TCF4: variants seen among roughly 807,000 people sequenced by gnomAD.
TCF4 encodes SL3-3 enhancer factor 2.
TCF4 carries 3 observed loss-of-function variants against 82.1 expected under a neutral mutation model. The observed-to-expected ratio is 0.04, with a 90% CI of 0.02 to 0.09. The LOEUF is 0.09. Ranked by LOEUF, TCF4 falls within the 10% of genes least tolerant of loss-of-function variation. The pLI is 1.00. For missense variants in TCF4, 518 were observed against 852.7 expected, an observed-to-expected ratio of 0.61 and a Z score of 4.89; for synonymous variants, 276 against 309.6, an observed-to-expected ratio of 0.89 and a Z score of 1.14.
At chr18:55,515,690 CAG>C (rs751382693) in intron 3 of TCF4, among the ~76,000 whole-genome samples, 3 of 152,062 alleles carry the variant, frequency 2.0e-5, no homozygotes, top group African/African-American at 4.8e-5. Flanking sequence ...GTGGAATCTT[CAG>C]AGAGTGTTGT....
intron 3 of TCF4, among the ~76,000 whole-genome samples, chr18:55,568,619 C>A (rs538027830): frequency 6.6e-6 from 1 of 151,904 alleles, no homozygotes; most frequent in Admixed American, 6.6e-5. Context: ...AAAATTATAT[C>A]AGTGGCTTAA....
intron 2 of TCF4, chr18:55,586,318 C>T: frequency 4.2e-6 from 3 of 713,634 alleles, no homozygotes; most frequent in Non-Finnish European, 7.1e-6. Flanking sequence ...CATCTTACAC[C>T]AAACTCATCT....
At chr18:55,313,011 G>A (rs1464594517) in intron 8 of TCF4, among the ~76,000 whole-genome samples, 3 of 152,108 alleles carry the variant, frequency 2.0e-5, no homozygotes, top group African/African-American at 7.2e-5. Flanking sequence ...GAAATGTGAT[G>A]GAATTTTATC....
chr18:55,504,021 A>G (rs1302195167), intron 3 of TCF4, among the ~76,000 whole-genome samples: 1 of 152,138 alleles, frequency 6.6e-6, no homozygotes, highest in East Asian at 1.9e-4. Flanking sequence ...TTGCAGTGAG[A>G]CCGATCCACC....
intron 13 of TCF4, among the ~76,000 whole-genome samples, chr18:55,259,045 CTGAAAGTT>C (rs2057484981): frequency 6.6e-6 from 1 of 152,120 alleles, no homozygotes; most frequent in Admixed American, 6.6e-5. Context: ...GCCATCATTT[CTGAAAGTT>C]TTGTGGCAAT....
intron 3 of TCF4, among the ~76,000 whole-genome samples, chr18:55,541,223 G>T (rs889343791): frequency 1.3e-5 from 2 of 151,832 alleles, no homozygotes; most frequent in African/African-American, 4.8e-5. Context: ...ATTTTATACT[G>T]CAAATTGCAT....
rs1463635470 is a variant in TCF4, at chr18:55,303,250, C to CACCCCTACACACCTGACCCAGCT, written c.550-23595_550-23594insAGCTGGGTCAGGTGTGTAGGGGT. Among the ~76,000 whole-genome samples, 4 of 150,878 alleles carry CACCCCTACACACCTGACCCAGCT rather than the reference C, an allele frequency of 2.7e-5. No homozygotes were observed. In the East Asian group the frequency reaches 7.8e-4, roughly 29 times the overall value. On this transcript the variant is annotated intron_variant, in intron 8 of 19. Coordinates refer to ENST00000354452, the MANE Select transcript of TCF4 (RefSeq NM_001083962.2). Reference sequence around the variant, plus strand: ...GTACACACACACACACACACACACACACACACACACACACACACCCCTACA... The same window carrying CACCCCTACACACCTGACCCAGCT: ...GTACACACACACACACACACACACACACCCCTACACACCTGACCCAGCTACACACACACACACACACCCCTACA...
chr18:55,572,418 G>C lies in TCF4; in HGVS notation c.145+12862C>G, dbSNP rs188964689. Reference sequence around the variant, plus strand: ...AAACAATAAAATAACTGAGAAAATGGAGTGAGGAGGGAGGGGAGAGAGAGA... The same window carrying C: ...AAACAATAAAATAACTGAGAAAATGCAGTGAGGAGGGAGGGGAGAGAGAGA... On this transcript the variant is annotated intron_variant, in intron 3 of 19. Transcript: ENST00000354452. Among the ~76,000 whole-genome samples the C allele has an allele frequency of 2.9e-3, 444 of 152,300 alleles. 2 individuals carry two copies. The highest frequency in any genetic ancestry group is 4.2e-3 in the Admixed American group (64 of 15,302).
chr18:55,510,631 C>T (rs1603617867), intron 3 of TCF4: 4 of 1,515,080 alleles, frequency 2.6e-6, no homozygotes, highest in Non-Finnish European at 3.5e-6. Context: ...CCCAATATAT[C>T]TGGTGATTAA....
intron 15 of TCF4, among the ~76,000 whole-genome samples, chr18:55,246,383 G>A (rs187679051): frequency 3.2e-4 from 48 of 152,236 alleles, no homozygotes; most frequent in South Asian, 1.0e-3. Context: ...TGCAGAGAGA[G>A]CAGGGTTTTG....
intron 2 of TCF4, among the ~76,000 whole-genome samples, chr18:55,601,309 C>T (rs2097696667): frequency 6.6e-6 from 1 of 152,094 alleles, no homozygotes; most frequent in African/African-American, 2.4e-5. Flanking sequence ...CAGAGGGCTC[C>T]TTGAACCCCT....
upstream of TCF4, chr18:55,591,002 A>G (rs1478110210): frequency 6.6e-6 from 1 of 152,242 alleles, no homozygotes; most frequent in Non-Finnish European, 1.5e-5. Context: ...AACAGTCCAC[A>G]TTCAACCATA....
upstream of TCF4, chr18:55,588,468 A>G: frequency 6.5e-7 from 1 of 1,534,658 alleles, no homozygotes; most frequent in Non-Finnish European, 8.7e-7. Flanking sequence ...TTCATCGAGC[A>G]CCTCATTTTT....
intron 6 of TCF4, among the ~76,000 whole-genome samples, chr18:55,400,026 G>A (rs2146393787): frequency 6.6e-6 from 1 of 151,886 alleles, no homozygotes; most frequent in South Asian, 2.1e-4. Context: ...TTTAAGGGGA[G>A]AAGTAATAAC....
chr18:55,580,592 C>T (rs532842301), intron 3 of TCF4, among the ~76,000 whole-genome samples: 11 of 151,812 alleles, frequency 7.2e-5, no homozygotes, highest in South Asian at 2.1e-4. Context: ...GATACAAAGG[C>T]GGGAAAAATA....
intron 3 of TCF4, among the ~76,000 whole-genome samples, chr18:55,563,789 T>A (rs1202756002): frequency 6.6e-6 from 1 of 152,228 alleles, no homozygotes; most frequent in Non-Finnish European, 1.5e-5. Flanking sequence ...TGGGCCAATA[T>A]TTTATCCAGC....
Position 55,439,373 on chromosome 18 carries a change from T to C in TCF4, c.304+21646A>G, listed in dbSNP as rs115802530. ...AAGGAGGCTGCCCCTCTCCAGACCTTTGCCCATCAAGTAGCTGGTTAAAAG... is the reference window on the plus strand; with the variant it reads ...AAGGAGGCTGCCCCTCTCCAGACCTCTGCCCATCAAGTAGCTGGTTAAAAG... On this transcript the variant is annotated intron_variant, in intron 5 of 19. Coordinates refer to ENST00000354452, the MANE Select transcript of TCF4 (RefSeq NM_001083962.2). Among the ~76,000 whole-genome samples the C allele has an allele frequency of 4.5e-3, 692 of 152,244 alleles. 6 individuals carry two copies. The highest frequency in any genetic ancestry group is 0.015 in the African/African-American group (633 of 41,522).
At chr18:55,588,255 CGGAGGGA>C, upstream of TCF4, 1 of 948,420 alleles carries the variant, frequency 1.1e-6, no homozygotes, top group East Asian at 2.9e-5. Context: ...GGGGAGGGGA[CGGAGGGA>C]AGGGGGGAGG....
intron 16 of TCF4, among the ~76,000 whole-genome samples, chr18:55,233,128 T>C (rs1323821735): frequency 1.3e-5 from 2 of 152,234 alleles, no homozygotes; most frequent in African/African-American, 2.4e-5. Context: ...TATTCTGAAA[T>C]TAGGCTTCTC....
Sources: gnomAD v4.1 joint callset for allele counts (sites outside exome capture counted in the v4.1 genomes callset) on GRCh38, gnomAD v4.1.1 for gene constraint, MANE v1.5 for transcripts, NCBI Gene and HGNC (gene_info 2026-07-23, HGNC 2026-07-21) for gene names.